NDRG4: variants seen among roughly 807,000 people sequenced by gnomAD.
NDRG4 encodes protein NDRG4.
Under a neutral mutation model 55.8 loss-of-function variants are expected in NDRG4, and 38 were observed. That is an observed-to-expected ratio of 0.68 (90% confidence interval 0.53 to 0.89). The LOEUF (loss-of-function observed/expected upper bound fraction) is 0.89, where lower values mean the gene tolerates loss of function less well. Among genes scored for constraint, NDRG4 ranks in the 40% least tolerant of loss-of-function variants. NDRG4 has a pLI of 0.00. For missense variants in NDRG4, 455 were observed against 468.6 expected, an observed-to-expected ratio of 0.97 and a Z score of 0.27; for synonymous variants, 190 against 182.7, an observed-to-expected ratio of 1.04 and a Z score of -0.32.
At chr16:58,476,310 A>G (rs902096723) in intron 1 of NDRG4, among the ~76,000 whole-genome samples, 1 of 152,222 alleles carries the variant, frequency 6.6e-6, no homozygotes, top group African/African-American at 2.4e-5. Flanking sequence ...GGTTCCCTAT[A>G]GAAGCTGCCT....
rs77705628 is a variant in NDRG4 at position 58,492,814 on chromosome 16, C to A, written c.73-2150C>A. On this transcript the variant is annotated intron_variant, in intron 2 of 15. Transcript: ENST00000258187. ...ATAGACATCTCCCCTTCCTTCTCCT[C>A]AGCCCGCTTGTGCAAGGTCTTTGAG... Among the ~76,000 whole-genome samples, 858 of 152,266 alleles carry A rather than the reference C, an allele frequency of 5.6e-3. 2 individuals carry two copies. Among genetic ancestry groups the A allele is most frequent in the Non-Finnish European group, 9.5e-3 (646 of 68,018 alleles).
At chr16:58,506,874 G>T in intron 7 of NDRG4, 38 bp from the exon 8 acceptor site, 1 of 1,572,922 alleles carries the variant, frequency 6.4e-7, no homozygotes, top group Non-Finnish European at 8.7e-7. Flanking sequence ...CCCTCTGTCT[G>T]CCCCTCTGCA....
chr16:58,494,115 G>A (rs539768090), intron 2 of NDRG4, among the ~76,000 whole-genome samples: 29 of 152,298 alleles, frequency 1.9e-4, no homozygotes, highest in African/African-American at 6.5e-4. Flanking sequence ...TGTCTGGGGA[G>A]CCCCTTCCAT....
At position 58,494,972 on chromosome 16, in the gene NDRG4, C is replaced by T. The variant is rs147207172; in HGVS notation, c.81C>T (p.Ser27=). The T allele has an allele frequency of 6.9e-5, 112 of 1,613,570 alleles. No homozygotes were observed. The highest frequency in any genetic ancestry group is 3.2e-4 in the Admixed American group (19 of 59,990). Residue 27 remains serine (S), a synonymous_variant, in exon 3 of 16, where the codon TCC becomes TCT. Transcript: ENST00000258187. ...TGTTTGCCTTCCCCTAGGAGAGCTC[C>T]GATGCCTTCCTCTTGGCTGCAGACA...
intron 1 of NDRG4, among the ~76,000 whole-genome samples, chr16:58,467,907 T>G (rs1237230973): frequency 1.3e-5 from 2 of 152,156 alleles, no homozygotes; most frequent in Non-Finnish European, 2.9e-5. Flanking sequence ...GGGGGCTCCT[T>G]CTCCTCCCAC....
At chr16:58,511,163 CG>C (rs2038755459) in intron 14 of NDRG4, 1 of 524,212 alleles carries the variant, frequency 1.9e-6, no homozygotes, top group South Asian at 2.7e-5. Flanking sequence ...GAGGGAGGCA[CG>C]GCTGGAAACC....
At chr16:58,486,718 C>T (rs2035126374) in intron 1 of NDRG4, among the ~76,000 whole-genome samples, 1 of 140,386 alleles carries the variant, frequency 7.1e-6, no homozygotes, top group African/African-American at 2.5e-5. Context: ...CACACACACA[C>T]ACACACACAC....
chr16:58,495,760 C>T (rs1394956744), upstream of NDRG4, among the ~76,000 whole-genome samples: 7 of 152,328 alleles, frequency 4.6e-5, no homozygotes, highest in Admixed American at 3.3e-4. Context: ...CCCTCGGTCA[C>T]GCGCCACTTC....
At chr16:58,506,169 T>TGTGTGTGTGTGTGTGTGTGTGTGTG (rs745949486) in intron 5 of NDRG4, 5 of 673,194 alleles carry the variant, frequency 7.4e-6, no homozygotes, top group Non-Finnish European at 1.1e-5. Flanking sequence ...TGTGTGTGTG[T>TGTGTGTGTGTGTGTGTGTGTGTGTG]AGGGGTGGAA....
chr16:58,501,115 G>C (rs1264028094), intron 1 of NDRG4: 2 of 1,211,436 alleles, frequency 1.7e-6, no homozygotes, highest in Non-Finnish European at 2.1e-6. Flanking sequence ...GGGAGAGGCA[G>C]GGGCAGACTC....
upstream of NDRG4, among the ~76,000 whole-genome samples, chr16:58,498,227 G>C (rs1341502025): frequency 6.6e-6 from 1 of 152,164 alleles, no homozygotes; most frequent in African/African-American, 2.4e-5. Flanking sequence ...AGTTTTCCAA[G>C]CCTCTTCCTG....
At chr16:58,479,589 C>A (rs905069322) in intron 1 of NDRG4, among the ~76,000 whole-genome samples, 2 of 152,230 alleles carry the variant, frequency 1.3e-5, no homozygotes, top group African/African-American at 4.8e-5. Context: ...TGCCCACTTT[C>A]CCAGAACCTC....
At chr16:58,486,404 C>T (rs892542859) in intron 1 of NDRG4, among the ~76,000 whole-genome samples, 1 of 151,938 alleles carries the variant, frequency 6.6e-6, no homozygotes, top group African/African-American at 2.4e-5. Context: ...AAGCACTCCT[C>T]CGGCCTCAGC....
At chr16:58,467,775 G>A (rs1163821999) in intron 1 of NDRG4, among the ~76,000 whole-genome samples, 1 of 152,166 alleles carries the variant, frequency 6.6e-6, no homozygotes, top group Non-Finnish European at 1.5e-5. Flanking sequence ...TGGGATCTTT[G>A]GAGATTAGGT....
chr16:58,468,076 C>T (rs546674091), intron 1 of NDRG4, among the ~76,000 whole-genome samples: 1 of 152,318 alleles, frequency 6.6e-6, no homozygotes, highest in Admixed American at 6.5e-5. Flanking sequence ...GGGGCCCTTC[C>T]AGCCAGACAC....
At chr16:58,487,873 A>G in intron 2 of NDRG4, 2 of 1,517,060 alleles carry the variant, frequency 1.3e-6, no homozygotes, top group Non-Finnish European at 1.8e-6. Flanking sequence ...CGCGCCTTTG[A>G]GGTCTTAGGG....
In NDRG4 at chr16:58,509,017, T is replaced by A. The variant is rs767345372; in HGVS notation, c.777+8T>A. On this transcript the variant is annotated splice_region_variant and intron_variant, in intron 11 of 14. Coordinates refer to ENST00000570248, the MANE Select transcript of NDRG4 (RefSeq NM_001242835.2). ...ACTACGACCTTCCTGAAGGTGAGGC[T>A]TTCTTCCCCAGCCCTGGGCCAGCTT... 1.2e-6 allele frequency: 2 copies of A among 1,614,006 alleles called. No individual in the cohort carries two copies. Among genetic ancestry groups the A allele is most frequent in the Non-Finnish European group, 1.7e-6 (2 of 1,180,028 alleles).
At chr16:58,487,696 G>C in intron 1 of NDRG4, 1 of 1,365,130 alleles carries the variant, frequency 7.3e-7, no homozygotes, top group Non-Finnish European at 9.9e-7. Flanking sequence ...GACTTGCGCT[G>C]TCCTTCTCCG....
At chr16:58,497,616 T>TA (rs2036558275), upstream of NDRG4, among the ~76,000 whole-genome samples, 1 of 152,206 alleles carries the variant, frequency 6.6e-6, no homozygotes, top group Admixed American at 6.5e-5. Flanking sequence ...TTCTCCCATT[T>TA]ACATACGGAG....
Sources: gnomAD v4.1 joint callset for allele counts (sites outside exome capture counted in the v4.1 genomes callset) on GRCh38, gnomAD v4.1.1 for gene constraint, MANE v1.5 for transcripts, NCBI Gene and HGNC (gene_info 2026-07-23, HGNC 2026-07-21) for gene names.